BRIP1: variants seen among roughly 807,000 people sequenced by gnomAD.
The protein encoded by BRIP1 is Fanconi anemia group J protein.
BRIP1 carries 88 observed loss-of-function variants against 119.7 expected under a neutral mutation model. The ratio of observed to expected loss-of-function variants is 0.74; its 90% CI spans 0.62 to 0.88. The LOEUF is 0.88. Among genes scored for constraint, BRIP1 ranks in the 40% least tolerant of loss-of-function variants. The pLI is 0.00. For missense variants in BRIP1, 1,259 were observed against 1,455.4 expected (o/e 0.87, Z 2.20); for synonymous variants, 443 against 496.5 (o/e 0.89, Z 1.43).
At chr17:61,696,985 CAA>C (rs775489853) in intron 17 of BRIP1, among the ~76,000 whole-genome samples, 6,355 of 72,130 alleles carry the variant, frequency 0.088, 107 homozygotes, top group South Asian at 0.25. Flanking sequence ...GACTCTGTCT[CAA>C]AAAAAAAAAA....
At chr17:61,800,293 C>A (rs2077970372) in intron 8 of BRIP1, among the ~76,000 whole-genome samples, 1 of 152,078 alleles carries the variant, frequency 6.6e-6, no homozygotes. Flanking sequence ...TAAGAATACA[C>A]AGACAGCTGA....
intron 10 of BRIP1, among the ~76,000 whole-genome samples, chr17:61,791,827 T>G (rs1381996337): frequency 6.6e-6 from 1 of 152,136 alleles, no homozygotes; most frequent in Non-Finnish European, 1.5e-5. Context: ...ATATATATAA[T>G]GAAATATTCA....
chr17:61,768,341 A>C lies in BRIP1; in HGVS notation c.2097+8060T>G, dbSNP rs1361138851. On this transcript the variant is annotated intron_variant, in intron 14 of 19. Coordinates refer to ENST00000259008, the MANE Select transcript of BRIP1 (RefSeq NM_032043.3). The surrounding 1 kb of genome is among the most constrained non-coding windows in gnomAD (Gnocchi z 5.0). ...GATATTTAAAGTTCTTTCTCAATAC[A>C]AAATAAGTATTAGTATATGGAATTA... Among the ~76,000 whole-genome samples the C allele has an allele frequency of 6.6e-6, 1 of 152,222 alleles. No homozygotes were observed. Among genetic ancestry groups the C allele is most frequent in the Non-Finnish European group, 1.5e-5 (1 of 68,044 alleles).
chr17:61,704,318 C>T lies in BRIP1; in HGVS notation c.2493-10806G>A, dbSNP rs2144284967. ...TCATAAAATAAATTGGGAAGGATTG[C>T]ATCTTCTGTTTTTTAGAAGAGATTA... On this transcript the variant is annotated intron_variant, in intron 17 of 19. Transcript: ENST00000259008. The surrounding 1 kb of genome is among the most constrained non-coding windows in gnomAD (Gnocchi z 5.7). 6.6e-6 allele frequency among the ~76,000 whole-genome samples: 1 copy of T among 152,190 alleles called. No individual in the cohort carries two copies. The highest frequency in any genetic ancestry group is 3.4e-3 in the Middle Eastern group (1 of 294).
rs2078717453 is a variant in BRIP1 at position 61,845,710 on chromosome 17, A to G, written c.627+1391T>C. On this transcript the variant is annotated intron_variant, in intron 6 of 19. Transcript: ENST00000259008. The surrounding 1 kb of genome is among the most constrained non-coding windows in gnomAD (Gnocchi z 4.2). The stretch of plus-strand genomic sequence containing the variant: ...AAAGTGGCTAGTCAGCTCACAATCC[A>G]AACTATCCTACAGGCGCTTCTCCCC... Among the ~76,000 whole-genome samples the G allele has an allele frequency of 6.6e-6, 1 of 152,208 alleles. No individual in the cohort carries two copies. Among genetic ancestry groups the G allele is most frequent in the African/African-American group, 2.4e-5 (1 of 41,458 alleles).
chr17:61,728,018 G>A (rs952550275), intron 16 of BRIP1, among the ~76,000 whole-genome samples: 5 of 151,680 alleles, frequency 3.3e-5, no homozygotes, highest in Middle Eastern at 3.4e-3. Flanking sequence ...TAGTAGACAC[G>A]GGGTTTCGCC....
At position 61,846,789 on chromosome 17, in the gene BRIP1, T is replaced by C. The variant is rs2078739866; in HGVS notation, c.627+312A>G. Among the ~76,000 whole-genome samples, 1 of 152,202 alleles carries C rather than the reference T, an allele frequency of 6.6e-6. No individual in the cohort carries two copies. The highest frequency in any genetic ancestry group is 2.4e-5 in the African/African-American group (1 of 41,452). Reference sequence around the variant, plus strand: ...TCCTTGGACTACTCCTTGAGAACTGTTGCCCTAAGAATCCTGAAAGAACTG... The same window carrying C: ...TCCTTGGACTACTCCTTGAGAACTGCTGCCCTAAGAATCCTGAAAGAACTG... On this transcript the variant is annotated intron_variant, in intron 6 of 19. Transcript: ENST00000259008. The surrounding 1 kb of genome is among the most constrained non-coding windows in gnomAD (Gnocchi z 4.3).
rs2078018066 is a variant in BRIP1, at chr17:61,802,969, T to C, written c.919-1495A>G. ...TAAAAGTAAAAAATAGAATCTTGTT[T>C]TGATTTGTATTTTTTATAGTTTCTA... On this transcript the variant is annotated intron_variant, in intron 7 of 19. Transcript: ENST00000259008. This position sits in a 1 kb window ranked among gnomAD's most constrained non-coding sequence, Gnocchi z 6.0. 6.6e-6 allele frequency among the ~76,000 whole-genome samples: 1 copy of C among 152,218 alleles called. No individual in the cohort carries two copies. The highest frequency in any genetic ancestry group is 1.5e-5 in the Non-Finnish European group (1 of 68,030).
Position 61,726,714 on chromosome 17 carries a change from C to G in BRIP1, c.2380-10651G>C, listed in dbSNP as rs1175274829. ...TTAAAAAATAACTTCTACAATTGAT[C>G]TTAAATTTTCTAAGAAATTTTAGCT... On this transcript the variant is annotated intron_variant, in intron 16 of 19. Transcript: ENST00000259008. The surrounding 1 kb of genome is among the most constrained non-coding windows in gnomAD (Gnocchi z 6.2). Among the ~76,000 whole-genome samples, 2 of 152,120 alleles carry G rather than the reference C, an allele frequency of 1.3e-5. No homozygotes were observed. Among genetic ancestry groups the G allele is most frequent in the Non-Finnish European group, 1.5e-5 (1 of 67,998 alleles).
chr17:61,772,785 T>A (rs1053029841), intron 14 of BRIP1, among the ~76,000 whole-genome samples: 35 of 119,020 alleles, frequency 2.9e-4, no homozygotes, highest in Non-Finnish European at 3.8e-4. Flanking sequence ...ACCATTGCAC[T>A]CCAGACTGGG....
Position 61,825,040 on chromosome 17 carries a change from C to T in BRIP1, c.628-16283G>A, listed in dbSNP as rs1392855026. Among the ~76,000 whole-genome samples the T allele has an allele frequency of 6.6e-6, 1 of 152,158 alleles. No homozygotes were observed. Among genetic ancestry groups the T allele is most frequent in the Non-Finnish European group, 1.5e-5 (1 of 68,036 alleles). ...GTGGCTCACGCCTGTAATCCCAACACTTTGGGAGGCTGAGGCAGGCGGATC... is the reference window on the plus strand; with the variant it reads ...GTGGCTCACGCCTGTAATCCCAACATTTTGGGAGGCTGAGGCAGGCGGATC... On this transcript the variant is annotated intron_variant, in intron 6 of 19. Transcript: ENST00000259008. This position sits in a 1 kb window ranked among gnomAD's most constrained non-coding sequence, Gnocchi z 4.1.
rs1367449555 is a variant in BRIP1, at chr17:61,727,434, TA to T, written c.2380-11372del. 5.3e-5 allele frequency among the ~76,000 whole-genome samples: 8 copies of T among 152,258 alleles called. 1 individual carries two copies. Among genetic ancestry groups the T allele is most frequent in the African/African-American group, 1.9e-4 (8 of 41,532 alleles). The stretch of plus-strand genomic sequence containing the variant: ...CCACCACAGTCCAAAAGATGAAGTA[TA>T]ACACTTTTGCTATCTAGATTTTTAT... On this transcript the variant is annotated intron_variant, in intron 16 of 19. Coordinates refer to ENST00000259008, the MANE Select transcript of BRIP1 (RefSeq NM_032043.3).
rs189568591 is a variant in BRIP1 at position 61,760,520 on chromosome 17, T to G, written c.2097+15881A>C. On this transcript the variant is annotated intron_variant, in intron 14 of 19. Transcript: ENST00000259008. This position sits in a 1 kb window ranked among gnomAD's most constrained non-coding sequence, Gnocchi z 4.6. The stretch of plus-strand genomic sequence containing the variant: ...ATGAATTGGTTTTTGAAAAGATAAA[T>G]GAAATCAACAAACCTTTAGCTAGAT... Among the ~76,000 whole-genome samples, 1 of 151,440 alleles carries G rather than the reference T, an allele frequency of 6.6e-6. No individual in the cohort carries two copies. Among genetic ancestry groups the G allele is most frequent in the African/African-American group, 2.4e-5 (1 of 41,380 alleles).
In BRIP1 at chr17:61,814,092, T is replaced by C. The variant is rs949149172; in HGVS notation, c.628-5335A>G. ...ACAAACTTTCAATTAATAGACTCTTTAGAGCAAGAGTCAGCAAAAGAGCCA... is the reference window on the plus strand; with the variant it reads ...ACAAACTTTCAATTAATAGACTCTTCAGAGCAAGAGTCAGCAAAAGAGCCA... On this transcript the variant is annotated intron_variant, in intron 6 of 19. Transcript: ENST00000259008. The surrounding 1 kb of genome is among the most constrained non-coding windows in gnomAD (Gnocchi z 4.9). 3.3e-5 allele frequency among the ~76,000 whole-genome samples: 5 copies of C among 152,072 alleles called. No individual in the cohort carries two copies. The highest frequency in any genetic ancestry group is 4.4e-5 in the Non-Finnish European group (3 of 67,920).
intron 16 of BRIP1, among the ~76,000 whole-genome samples, chr17:61,727,077 G>A (rs1266775069): frequency 6.6e-6 from 1 of 152,114 alleles, no homozygotes; most frequent in Non-Finnish European, 1.5e-5. Context: ...ATTTAATAAG[G>A]GGACTCAGTA....
chr17:61,861,657 G>A lies in BRIP1; in HGVS notation c.-30-88C>T, dbSNP rs76477362. 16,040 of 737,360 alleles carry A rather than the reference G, an allele frequency of 0.022. 1,751 individuals carry two copies. The African/African-American group carries it at 0.24, about 11-fold the overall frequency. The allele number at this position is 737,360 out of a possible 1,614,324, so 45.7% of individuals were successfully genotyped here. A position where few individuals can be genotyped will look rare whatever the true frequency, so the allele number is the denominator to read the frequency against. On this transcript the variant is annotated intron_variant, in intron 1 of 19. Transcript: ENST00000259008. This position sits in a 1 kb window ranked among gnomAD's most constrained non-coding sequence, Gnocchi z 4.5. The stretch of plus-strand genomic sequence containing the variant: ...AAACTAAGGGAGAAATCTGGAAACA[G>A]AAACTGGAATTAATAAAAGTATAAA...
chr17:61,860,764 T>C lies in BRIP1; in HGVS notation c.93+683A>G, dbSNP rs2050872179. 6.6e-6 allele frequency among the ~76,000 whole-genome samples: 1 copy of C among 152,228 alleles called. No homozygotes were observed. Among genetic ancestry groups the C allele is most frequent in the African/African-American group, 2.4e-5 (1 of 41,452 alleles). On this transcript the variant is annotated intron_variant, in intron 2 of 19. Coordinates refer to ENST00000259008, the MANE Select transcript of BRIP1 (RefSeq NM_032043.3). This position sits in a 1 kb window ranked among gnomAD's most constrained non-coding sequence, Gnocchi z 4.1. Reference sequence around the variant, plus strand: ...AATAAGAAAATGGACAGATAAATTCTGGTATATTCATCCAATGGAATTTAT... The same window carrying C: ...AATAAGAAAATGGACAGATAAATTCCGGTATATTCATCCAATGGAATTTAT...
intron 19 of BRIP1, chr17:61,685,447 T>C (rs1205433448): frequency 1.4e-5 from 3 of 208,246 alleles, no homozygotes; most frequent in Admixed American, 5.5e-5. Flanking sequence ...AATTTTTATA[T>C]AGCCTTTAGA....
In BRIP1 at chr17:61,734,955, C is replaced by T. The variant is rs965715043; in HGVS notation, c.2379+8058G>A. Among the ~76,000 whole-genome samples the T allele has an allele frequency of 5.9e-5, 9 of 152,024 alleles. No homozygotes were observed. The highest frequency in any genetic ancestry group is 9.7e-5 in the African/African-American group (4 of 41,378). Reference sequence around the variant, plus strand: ...AAAATAATGCAGAAATAGGTTGTTTCGTTTCTATAAGGTAGAACATTTAAA... The same window carrying T: ...AAAATAATGCAGAAATAGGTTGTTTTGTTTCTATAAGGTAGAACATTTAAA... On this transcript the variant is annotated intron_variant, in intron 16 of 19. Coordinates refer to ENST00000259008, the MANE Select transcript of BRIP1 (RefSeq NM_032043.3). This position sits in a 1 kb window ranked among gnomAD's most constrained non-coding sequence, Gnocchi z 5.2.
Sources: allele counts gnomAD v4.1 joint callset (sites outside exome capture counted in the v4.1 genomes callset), GRCh38; gene constraint gnomAD v4.1.1; non-coding constraint Gnocchi (gnomAD v3.1); transcripts MANE v1.5; gene names NCBI Gene and HGNC (gene_info 2026-07-23, HGNC 2026-07-21).